Variants in PRPF6 observed in about 807,000 individuals in gnomAD.
The protein encoded by PRPF6 is pre-mRNA processing factor 6.
Under a neutral mutation model 118.3 loss-of-function variants are expected in PRPF6, and 42 were observed. The observed-to-expected ratio is 0.35, with a 90% CI of 0.28 to 0.46. The LOEUF (loss-of-function observed/expected upper bound fraction) is 0.46, where lower values mean the gene tolerates loss of function less well. Among genes scored for constraint, PRPF6 ranks in the 20% least tolerant of loss-of-function variants. The pLI, the probability that PRPF6 is intolerant of heterozygous loss-of-function variation, is 1.00. For synonymous variants in PRPF6, 481 were observed against 485.1 expected (o/e 0.99, Z 0.11); for missense variants, 662 against 1,255.7 (o/e 0.53, Z 7.15).
At chr20:64,010,160 T>G in intron 9 of PRPF6, 40 bp from the exon 10 acceptor site, 1 of 1,552,980 alleles carries the variant, frequency 6.4e-7, no homozygotes, top group South Asian at 1.1e-5. Flanking sequence ...TGTTTTTATC[T>G]CCTTTTCTGT....
Position 64,011,760 on chromosome 20 carries a change from G to C in PRPF6, c.1524+257G>C, listed in dbSNP as rs1398683312. On this transcript the variant is annotated intron_variant, in intron 11 of 20. Transcript: ENST00000266079. The surrounding 1 kb of genome is among the most constrained non-coding windows in gnomAD (Gnocchi z 6.7). ...TGTGCACACCTGACTGCATTTCTTT[G>C]CTAGTAGAAATGATACACCTACGAG... 6.7e-6 allele frequency among the ~76,000 whole-genome samples: 1 copy of C among 150,188 alleles called. No homozygotes were observed. The highest frequency in any genetic ancestry group is 1.5e-5 in the Non-Finnish European group (1 of 67,552).
Position 64,028,276 on chromosome 20 carries a change from T to G in PRPF6, c.2340-202T>G, listed in dbSNP as rs2059300572. On this transcript the variant is annotated intron_variant, in intron 17 of 20. Transcript: ENST00000266079. The surrounding 1 kb of genome is among the most constrained non-coding windows in gnomAD (Gnocchi z 6.5). Reference sequence around the variant, plus strand: ...CAGCGTCAGGATCTGAGGTCTTGCCTTGGGGCGGTTGCCAGTGGGGCTGGC... The same window carrying G: ...CAGCGTCAGGATCTGAGGTCTTGCCGTGGGGCGGTTGCCAGTGGGGCTGGC... Among the ~76,000 whole-genome samples, 1 of 152,240 alleles carries G rather than the reference T, an allele frequency of 6.6e-6. No individual in the cohort carries two copies. Among genetic ancestry groups the G allele is most frequent in the African/African-American group, 2.4e-5 (1 of 41,468 alleles).
chr20:64,023,334 C>T (rs190185220), intron 13 of PRPF6, among the ~76,000 whole-genome samples: 162 of 152,342 alleles, frequency 1.1e-3, no homozygotes, highest in Non-Finnish European at 1.7e-3. Context: ...TTTAACTGCA[C>T]TCTTTAATTG....
rs1337858612 is a variant in PRPF6 at position 64,028,693 on chromosome 20, T to G, written c.2431+124T>G. The G allele has an allele frequency of 3.0e-6, 3 of 1,013,014 alleles. No homozygotes were observed. The highest frequency in any genetic ancestry group is 3.0e-6 in the Non-Finnish European group (2 of 675,848). The allele number at this position is 1,013,014 out of a possible 1,614,324, so 62.8% of individuals were successfully genotyped here. ...GCAGGGCTGGCACTTCCTGAGGGAG[T>G]GGGGGCTCAGGCTTCAGACGGACTT... On this transcript the variant is annotated intron_variant, in intron 18 of 20. Transcript: ENST00000266079. The surrounding 1 kb of genome is among the most constrained non-coding windows in gnomAD (Gnocchi z 6.5).
Position 64,027,529 on chromosome 20 carries a change from G to C in PRPF6, c.2206-74G>C. 1.2e-6 allele frequency: 2 copies of C among 1,604,170 alleles called. No individual in the cohort carries two copies. The highest frequency in any genetic ancestry group is 2.2e-5 in the South Asian group (2 of 90,702). On this transcript the variant is annotated intron_variant, in intron 16 of 20. Coordinates refer to ENST00000266079, the MANE Select transcript of PRPF6 (RefSeq NM_012469.4). The surrounding 1 kb of genome is among the most constrained non-coding windows in gnomAD (Gnocchi z 6.5). ...AGGGACTCGGTCACCCACTGCAGAT[G>C]AGAAGCTGGGCATGGCTGTGTCCCA...
chr20:64,027,241 C>G lies in PRPF6; in HGVS notation c.2205+83C>G. The G allele has an allele frequency of 1.3e-6, 2 of 1,537,618 alleles. No homozygotes were observed. The highest frequency in any genetic ancestry group is 1.8e-6 in the Non-Finnish European group (2 of 1,125,912). On this transcript the variant is annotated intron_variant, in intron 16 of 20. Transcript: ENST00000266079. The surrounding 1 kb of genome is among the most constrained non-coding windows in gnomAD (Gnocchi z 6.5). ...CCCCTGGTGCAGGGTCATTGCCCTTCGCCTCTGAGGAGATGTGGAGGGCTG... is the reference window on the plus strand; with the variant it reads ...CCCCTGGTGCAGGGTCATTGCCCTTGGCCTCTGAGGAGATGTGGAGGGCTG...
intron 9 of PRPF6, among the ~76,000 whole-genome samples, chr20:64,008,570 C>T (rs987425237): frequency 3.3e-5 from 5 of 152,184 alleles, no homozygotes; most frequent in South Asian, 2.1e-4. Context: ...GCTGGTGACC[C>T]GTGCCCGCAT....
At chr20:63,991,738 T>C (rs1179314909) in intron 3 of PRPF6, among the ~76,000 whole-genome samples, 1 of 151,642 alleles carries the variant, frequency 6.6e-6, no homozygotes, top group African/African-American at 2.4e-5. Flanking sequence ...TGCAGTGAGC[T>C]GAGATCGCAC....
intron 20 of PRPF6, 52 bp downstream of exon 20, chr20:64,032,096 G>A (rs779331927): frequency 1.2e-6 from 2 of 1,611,702 alleles, no homozygotes; most frequent in Non-Finnish European, 1.7e-6. Context: ...CTGTGGCGGG[G>A]AGTTCCGCCA....
chr20:64,002,946 A>ATT (rs1226018197), intron 9 of PRPF6, among the ~76,000 whole-genome samples: 2 of 129,818 alleles, frequency 1.5e-5, no homozygotes, highest in Admixed American at 7.8e-5. Flanking sequence ...GCCCGGCCAG[A>ATT]TTTTTTTTTT....
intron 11 of PRPF6, among the ~76,000 whole-genome samples, chr20:64,013,670 C>T (rs141283080): frequency 1.3e-5 from 2 of 151,966 alleles, no homozygotes; most frequent in African/African-American, 4.8e-5. Flanking sequence ...AAACTCCTGG[C>T]CTTAAGCAAT....
At chr20:63,992,531 A>G (rs186393270) in intron 3 of PRPF6, among the ~76,000 whole-genome samples, 64 of 152,284 alleles carry the variant, frequency 4.2e-4, no homozygotes, top group Non-Finnish European at 8.7e-4. Flanking sequence ...CGTTGGGATT[A>G]CAGGTGTAAG....
In PRPF6 at chr20:64,032,826, C is replaced by T; in HGVS notation, c.2674-15C>T. 6.2e-7 allele frequency: 1 copy of T among 1,601,110 alleles called. No homozygotes were observed. On this transcript the variant is annotated splice_polypyrimidine_tract_variant and intron_variant, in intron 20 of 20. Coordinates refer to ENST00000266079, the MANE Select transcript of PRPF6 (RefSeq NM_012469.4). Reference sequence around the variant, plus strand: ...TGGGAGGACCCCTGCCTGACGTGCCCTGTGGTCCCCCCAGGAGCAGCAGGA... The same window carrying T: ...TGGGAGGACCCCTGCCTGACGTGCCTTGTGGTCCCCCCAGGAGCAGCAGGA...
Position 64,027,215 on chromosome 20 carries a change from C to G in PRPF6, c.2205+57C>G, listed in dbSNP as rs1219794044. On this transcript the variant is annotated intron_variant, in intron 16 of 20. Coordinates refer to ENST00000266079, the MANE Select transcript of PRPF6 (RefSeq NM_012469.4). The surrounding 1 kb of genome is among the most constrained non-coding windows in gnomAD (Gnocchi z 6.5). ...CTGACCCGGCATTCACAAAACTGAG[C>G]CCCCTGGTGCAGGGTCATTGCCCTT... The G allele has an allele frequency of 1.3e-6, 2 of 1,593,984 alleles. No homozygotes were observed. Among genetic ancestry groups the G allele is most frequent in the African/African-American group, 1.3e-5 (1 of 74,470 alleles).
intron 8 of PRPF6, 49 bp downstream of exon 8, chr20:63,999,808 C>T (rs1380461542): frequency 1.2e-6 from 2 of 1,603,744 alleles, no homozygotes; most frequent in African/African-American, 1.3e-5. Context: ...GTGATTGTGG[C>T]CCCTACGGGA....
chr20:64,011,251 G>C lies in PRPF6; in HGVS notation c.1306-34G>C, dbSNP rs762829418. ...CCTGCAGCTGTCCCCCCAGCACAGT[G>C]TCCTCTCCTTTTTCTCGTGTCCTCT... is the stretch of plus-strand genomic sequence containing the variant. On this transcript the variant is annotated intron_variant, in intron 10 of 20. Coordinates refer to ENST00000266079, the MANE Select transcript of PRPF6 (RefSeq NM_012469.4). The surrounding 1 kb of genome is among the most constrained non-coding windows in gnomAD (Gnocchi z 6.7). 7.5e-6 allele frequency: 12 copies of C among 1,604,958 alleles called. No homozygotes were observed. The South Asian group carries it at 1.1e-4, about 15-fold the overall frequency.
At chr20:63,997,930 C>T (rs1485348618) in intron 6 of PRPF6, among the ~76,000 whole-genome samples, 4 of 151,910 alleles carry the variant, frequency 2.6e-5, no homozygotes. Flanking sequence ...GTGTGTGGAC[C>T]GCATTCGCTC....
intron 14 of PRPF6, 89 bp downstream of exon 14, chr20:64,024,782 A>G: frequency 4.0e-6 from 6 of 1,514,122 alleles, no homozygotes; most frequent in Non-Finnish European, 5.4e-6. Context: ...TCCCACATAC[A>G]ATGTGGCACG....
chr20:64,031,934 C>T lies in PRPF6; in HGVS notation c.2563C>T (p.Arg855Trp), dbSNP rs776693034. ...LAVAKLFWSQ[R>W]KITKAREWFH... ...CTGGAACAGGCTGTTTTGGAGTCAGCGGAAGATCACCAAGGCCAGGGAGTG... is the reference window on the plus strand; with the variant it reads ...CTGGAACAGGCTGTTTTGGAGTCAGTGGAAGATCACCAAGGCCAGGGAGTG... The change falls in exon 20 of 21, where the codon CGG becomes TGG. Residue 855 changes from arginine (R) to tryptophan (W), a missense_variant. Coordinates refer to ENST00000266079, the MANE Select transcript of PRPF6 (RefSeq NM_012469.4). 1.2e-5 allele frequency: 19 copies of T among 1,614,104 alleles called. No individual in the cohort carries two copies. Among genetic ancestry groups the T allele is most frequent in the Non-Finnish European group, 1.4e-5 (17 of 1,180,010 alleles).
Sources: gnomAD v4.1 joint callset for allele counts (sites outside exome capture counted in the v4.1 genomes callset) on GRCh38, gnomAD v4.1.1 for gene constraint, Gnocchi (gnomAD v3.1) non-coding constraint, MANE v1.5 for transcripts, NCBI Gene and HGNC (gene_info 2026-07-23, HGNC 2026-07-21) for gene names.